The following GPM6A variants were observed in gnomAD, a reference collection of about 807,000 sequenced individuals.
GPM6A encodes neuronal membrane glycoprotein M6-a.
Under a neutral mutation model 32.1 loss-of-function variants are expected in GPM6A, and 7 were observed. The observed-to-expected ratio is 0.22, with a 90% CI of 0.12 to 0.41. The LOEUF is 0.41. Ranked by LOEUF, GPM6A falls within the 10% of genes least tolerant of loss-of-function variation. The pLI is 1.00. For synonymous variants in GPM6A, 130 were observed against 123.4 expected (o/e 1.05, Z -0.35); for missense variants, 235 against 347.2 (o/e 0.68, Z 2.57).
intron 1 of GPM6A, among the ~76,000 whole-genome samples, chr4:175,976,717 G>T (rs73873532): frequency 0.051 from 7,736 of 152,190 alleles, 656 homozygotes; most frequent in African/African-American, 0.17. Context: ...GCCCTGCCTT[G>T]TGTCAGGGAC....
At chr4:175,702,014 C>T (rs925141704) in intron 1 of GPM6A, among the ~76,000 whole-genome samples, 14 of 152,278 alleles carry the variant, frequency 9.2e-5, no homozygotes, top group South Asian at 8.3e-4. Context: ...CCTAGAGAAG[C>T]CCTTCCTTCC....
intron 1 of GPM6A, among the ~76,000 whole-genome samples, chr4:175,882,814 G>A (rs1295411008): frequency 6.6e-6 from 1 of 152,050 alleles, no homozygotes; most frequent in Non-Finnish European, 1.5e-5. Flanking sequence ...TGGTAATACA[G>A]ATGAGGTAAG....
intron 1 of GPM6A, among the ~76,000 whole-genome samples, chr4:175,898,721 C>A (rs983031414): frequency 6.6e-6 from 1 of 152,114 alleles, no homozygotes; most frequent in Non-Finnish European, 1.5e-5. Context: ...CTAAATACTA[C>A]CAAAATATTC....
intron 1 of GPM6A, among the ~76,000 whole-genome samples, chr4:175,868,499 C>T (rs538812693): frequency 7.9e-5 from 12 of 152,232 alleles, no homozygotes; most frequent in East Asian, 5.8e-4. Context: ...TACCTGCATC[C>T]GACACATTTT....
chr4:175,861,446 AC>A (rs1019100753), intron 1 of GPM6A, among the ~76,000 whole-genome samples: 24 of 151,830 alleles, frequency 1.6e-4, no homozygotes, highest in African/African-American at 5.1e-4. Context: ...AAAAAAAAAA[AC>A]AACTTTGAAT....
At chr4:175,928,649 G>A (rs2111539455) in intron 1 of GPM6A, among the ~76,000 whole-genome samples, 1 of 152,334 alleles carries the variant, frequency 6.6e-6, no homozygotes, top group East Asian at 1.9e-4. Context: ...GCTGGCATGT[G>A]GTGGGCAGTG....
At chr4:175,925,192 C>T (rs936790113) in intron 1 of GPM6A, among the ~76,000 whole-genome samples, 4 of 152,252 alleles carry the variant, frequency 2.6e-5, no homozygotes, top group South Asian at 2.1e-4. Context: ...AAGATGGTAA[C>T]GGAATACAAT....
chr4:175,732,125 C>T (rs1342911106), intron 1 of GPM6A, among the ~76,000 whole-genome samples: 1 of 151,946 alleles, frequency 6.6e-6, no homozygotes, highest in Non-Finnish European at 1.5e-5. Flanking sequence ...TGCCACCATG[C>T]CCAGCTAATT....
intron 1 of GPM6A, among the ~76,000 whole-genome samples, chr4:175,714,770 GT>G (rs985662317): frequency 1.2e-4 from 18 of 146,646 alleles, no homozygotes; most frequent in South Asian, 2.1e-4. Flanking sequence ...CATTCAGACC[GT>G]TTTTTTTTAA....
intron 1 of GPM6A, among the ~76,000 whole-genome samples, chr4:175,963,539 C>A (rs150605387): frequency 6.6e-6 from 1 of 151,616 alleles, no homozygotes; most frequent in Non-Finnish European, 1.5e-5. Context: ...ACCCACCCAC[C>A]TAGAAAAAAT....
chr4:175,970,279 G>A (rs1740460098), intron 1 of GPM6A, among the ~76,000 whole-genome samples: 1 of 152,170 alleles, frequency 6.6e-6, no homozygotes, highest in African/African-American at 2.4e-5. Context: ...GGAAACTGAG[G>A]GTTGAAGGTC....
At chr4:175,986,499 T>G (rs1468122862) in intron 1 of GPM6A, among the ~76,000 whole-genome samples, 1 of 151,904 alleles carries the variant, frequency 6.6e-6, no homozygotes, top group Non-Finnish European at 1.5e-5. Flanking sequence ...TACAGTGAGC[T>G]AGTATTGTGC....
At chr4:175,989,331 C>T (rs920460350) in intron 1 of GPM6A, among the ~76,000 whole-genome samples, 3 of 151,922 alleles carry the variant, frequency 2.0e-5, no homozygotes, top group Non-Finnish European at 2.9e-5. Context: ...AAACATTCAT[C>T]GTTTGAGCTT....
At chr4:175,842,747 C>G (rs970571767) in intron 1 of GPM6A, among the ~76,000 whole-genome samples, 3 of 151,990 alleles carry the variant, frequency 2.0e-5, no homozygotes, top group Non-Finnish European at 4.4e-5. Context: ...CTTTACATTT[C>G]CATGGCCATC....
chr4:175,695,032 T>C (rs1451476367), intron 2 of GPM6A, among the ~76,000 whole-genome samples: 1 of 152,172 alleles, frequency 6.6e-6, no homozygotes, highest in Non-Finnish European at 1.5e-5. Flanking sequence ...ACCATAAGCC[T>C]TGGCAGCTTT....
At chr4:175,728,762 G>C (rs1731285878) in intron 1 of GPM6A, among the ~76,000 whole-genome samples, 1 of 152,114 alleles carries the variant, frequency 6.6e-6, no homozygotes, top group Non-Finnish European at 1.5e-5. Flanking sequence ...CCCTTCCCTA[G>C]TTATCTGACA....
chr4:175,650,962 G>A (rs1373516260), intron 4 of GPM6A, among the ~76,000 whole-genome samples: 2 of 152,156 alleles, frequency 1.3e-5, no homozygotes, highest in African/African-American at 4.8e-5. Context: ...TGTTACACAT[G>A]ATAACATAGA....
chr4:175,745,188 A>G lies in GPM6A; in HGVS notation c.38-43421T>C, dbSNP rs114196161. ...CATACACAAAATATTCATGCGCTAA[A>G]TGTAAATCTGTTATCCTGACATACA... On this transcript the variant is annotated intron_variant, in intron 1 of 6. Transcript: ENST00000393658. Among the ~76,000 whole-genome samples, 1,516 of 152,290 alleles carry G rather than the reference A, an allele frequency of 1.0e-2. 23 individuals are homozygous for G. Among genetic ancestry groups the G allele is most frequent in the African/African-American group, 0.034 (1,425 of 41,566 alleles).
At chr4:175,884,558 G>T (rs938001082) in intron 1 of GPM6A, among the ~76,000 whole-genome samples, 2 of 151,958 alleles carry the variant, frequency 1.3e-5, no homozygotes, top group Non-Finnish European at 2.9e-5. Context: ...TTGATATGGA[G>T]TCTCGCTCTG....
Sources: gnomAD v4.1 joint callset for allele counts (sites outside exome capture counted in the v4.1 genomes callset) on GRCh38, gnomAD v4.1.1 for gene constraint, MANE v1.5 for transcripts, NCBI Gene and HGNC (gene_info 2026-07-23, HGNC 2026-07-21) for gene names.